The following CHST15 variants were observed in gnomAD, a reference collection of about 807,000 sequenced individuals.
CHST15 encodes carbohydrate sulfotransferase 15, also known as B cell RAG associated protein (GALNAC4S-6ST).
CHST15 carries 30 observed loss-of-function variants against 53.6 expected under a neutral mutation model. That is an observed-to-expected ratio of 0.56 (90% CI 0.42 to 0.76). The LOEUF is 0.76. CHST15 is among the 30% of genes least tolerant of loss of function. The pLI, the probability that CHST15 is intolerant of heterozygous loss-of-function variation, is 0.00. For synonymous variants in CHST15, 296 were observed against 289.8 expected (o/e 1.02, Z -0.22); for missense variants, 627 against 740.5 (o/e 0.85, Z 1.78).
chr10:124,090,145 G>A (rs1420643412), intron 1 of CHST15, among the ~76,000 whole-genome samples: 3 of 152,128 alleles, frequency 2.0e-5, no homozygotes, highest in East Asian at 1.9e-4. Flanking sequence ...GATAAGCACC[G>A]GGCCAGATGG....
chr10:124,037,072 C>T (rs1947525700), intron 5 of CHST15, among the ~76,000 whole-genome samples: 1 of 152,158 alleles, frequency 6.6e-6, no homozygotes, highest in Non-Finnish European at 1.5e-5. Flanking sequence ...CCTTGGCACC[C>T]CTTGGCTGGT....
intron 6 of CHST15, chr10:124,021,016 T>C: frequency 7.0e-7 from 1 of 1,429,062 alleles, no homozygotes; most frequent in South Asian, 1.5e-5. Context: ...ATCCTCCTGC[T>C]GAGGGAGGAG....
intron 5 of CHST15, among the ~76,000 whole-genome samples, chr10:124,026,439 A>G (rs745326022): frequency 2.0e-5 from 3 of 152,256 alleles, no homozygotes; most frequent in Non-Finnish European, 4.4e-5. Flanking sequence ...AACAGCAAAC[A>G]TATCAAGAAC....
chr10:124,010,274 C>T lies in CHST15; in HGVS notation c.1561G>A (p.Glu521Lys), dbSNP rs1770326540. Reference sequence around the variant, plus strand: ...CACATGGGCCCCAGGTTCCGGTCCTCGGGACGCCGTGCATTGGATGCGGGG... The same window carrying T: ...CACATGGGCCCCAGGTTCCGGTCCTTGGGACGCCGTGCATTGGATGCGGGG... ...KSPASNARRPEDRNLGPMWPI... is the reference protein window; with the variant it reads ...KSPASNARRPKDRNLGPMWPI... Residue 521 changes from glutamate to lysine, a missense_variant, in exon 8 of 8, where the codon GAG (glutamate) becomes AAG (lysine). Transcript: ENST00000435907. 3 of 1,613,682 alleles carry T rather than the reference C, an allele frequency of 1.9e-6. No individual in the cohort carries two copies. Among genetic ancestry groups the T allele is most frequent in the South Asian group, 1.1e-5 (1 of 91,024 alleles).
At chr10:124,018,637 T>C (rs1162719801) in intron 6 of CHST15, among the ~76,000 whole-genome samples, 1 of 152,200 alleles carries the variant, frequency 6.6e-6, no homozygotes, top group African/African-American at 2.4e-5. Flanking sequence ...AGAATGGCCT[T>C]TCTGCTTCTG....
chr10:124,063,961 A>G (rs767262144), intron 1 of CHST15, among the ~76,000 whole-genome samples: 1 of 152,134 alleles, frequency 6.6e-6, no homozygotes, highest in Non-Finnish European at 1.5e-5. Flanking sequence ...TAAACATGAT[A>G]ATAAAAAAAA....
chr10:124,017,768 TCA>T (rs1443728453), intron 6 of CHST15, among the ~76,000 whole-genome samples: 1 of 152,212 alleles, frequency 6.6e-6, no homozygotes, highest in Non-Finnish European at 1.5e-5. Flanking sequence ...TCCCTGAGCC[TCA>T]GTTTTCCCAG....
Position 124,044,904 on chromosome 10 carries a change from G to A in CHST15, c.562C>T (p.Pro188Ser). The change falls in exon 3 of 8, where the codon CCC becomes TCC. Residue 188 changes from proline (P) to serine (S), a missense_variant. By Grantham distance (74) the Pro-to-Ser change is moderately conservative. Transcript: ENST00000435907. ...TTACTGTTTGGAAGGAATTTGTTGG[G>A]GATGACTGAAAACATCTGCAAGGAA... ...KQELHMFSVI[P>S]NKFLPNSKSP... 6.9e-7 allele frequency: 1 copy of A among 1,444,598 alleles called. No homozygotes were observed. Among genetic ancestry groups the A allele is most frequent in the Non-Finnish European group, 9.1e-7 (1 of 1,094,844 alleles). The allele number at this position is 1,444,598 out of a possible 1,614,324, so 89.5% of individuals were successfully genotyped here. A position where few individuals can be genotyped will look rare whatever the true frequency, so the allele number is the denominator to read the frequency against.
chr10:124,064,080 G>A (rs1291110774), intron 1 of CHST15, among the ~76,000 whole-genome samples: 1 of 152,170 alleles, frequency 6.6e-6, no homozygotes, highest in East Asian at 1.9e-4. Context: ...AATCACAGAA[G>A]AGTGGAATCT....
At chr10:124,044,474 ATC>A (rs752294361) in intron 3 of CHST15, 104 bp downstream of exon 3, 2 of 924,918 alleles carry the variant, frequency 2.2e-6, no homozygotes, top group Non-Finnish European at 3.1e-6. Flanking sequence ...GAATTGTGCC[ATC>A]TCTTTCTGCC....
intron 5 of CHST15, among the ~76,000 whole-genome samples, chr10:124,034,529 C>T (rs1263761824): frequency 6.6e-6 from 1 of 151,396 alleles, no homozygotes; most frequent in African/African-American, 2.4e-5. Flanking sequence ...GGCTCCACCC[C>T]TAACAGGGAC....
At chr10:124,023,755 C>T (rs1364034816) in intron 5 of CHST15, among the ~76,000 whole-genome samples, 2 of 152,156 alleles carry the variant, frequency 1.3e-5, no homozygotes, top group African/African-American at 4.8e-5. Context: ...ACTTCTCCAA[C>T]CTGGCTTCCC....
chr10:124,071,062 A>AATTTG (rs1368333311), intron 1 of CHST15, among the ~76,000 whole-genome samples: 2 of 152,304 alleles, frequency 1.3e-5, no homozygotes, highest in Middle Eastern at 3.4e-3. Context: ...TAAAGAATTC[A>AATTTG]ATTTGATTTG....
At position 124,028,590 on chromosome 10, in the gene CHST15, C is replaced by T. The variant is rs75978008; in HGVS notation, c.1191-7178G>A. 8.8e-3 allele frequency among the ~76,000 whole-genome samples: 1,341 copies of T among 152,328 alleles called. 20 individuals carry two copies. Among genetic ancestry groups the T allele is most frequent in the African/African-American group, 0.03 (1,237 of 41,562 alleles). The stretch of plus-strand genomic sequence containing the variant: ...AAGATGTTTTCATCACCCTGATGAG[C>T]GACTGCTGGTTCTAACACAGCAGTT... On this transcript the variant is annotated intron_variant, in intron 5 of 7. Coordinates refer to ENST00000435907, the MANE Select transcript of CHST15 (RefSeq NM_001270764.2).
chr10:124,018,961 C>T (rs963567076), intron 6 of CHST15, among the ~76,000 whole-genome samples: 16 of 152,136 alleles, frequency 1.1e-4, no homozygotes, highest in Non-Finnish European at 2.2e-4. Context: ...AAACCCAGTC[C>T]GCGAGCACGT....
intron 1 of CHST15, among the ~76,000 whole-genome samples, chr10:124,069,202 C>G (rs939848800): frequency 6.6e-6 from 1 of 152,208 alleles, no homozygotes; most frequent in African/African-American, 2.4e-5. Context: ...ATCAACATCC[C>G]GTTTGAGTTC....
intron 1 of CHST15, among the ~76,000 whole-genome samples, chr10:124,056,733 G>T (rs1166016696): frequency 6.6e-6 from 1 of 152,254 alleles, no homozygotes; most frequent in Non-Finnish European, 1.5e-5. Context: ...AAGAAGCCTG[G>T]GCTGTGTGCA....
At chr10:124,088,095 C>T (rs183679106) in intron 1 of CHST15, among the ~76,000 whole-genome samples, 14 of 152,332 alleles carry the variant, frequency 9.2e-5, no homozygotes, top group Admixed American at 6.5e-4. Flanking sequence ...TGAAGAATAT[C>T]ACCCGAGCCA....
At chr10:124,048,360 T>G (rs1299392771) in intron 1 of CHST15, among the ~76,000 whole-genome samples, 1 of 152,178 alleles carries the variant, frequency 6.6e-6, no homozygotes, top group Non-Finnish European at 1.5e-5. Context: ...AGGAGCCAGT[T>G]TGAGAAAGGC....
Sources: allele counts gnomAD v4.1 joint callset (sites outside exome capture counted in the v4.1 genomes callset), GRCh38; gene constraint gnomAD v4.1.1; transcripts MANE v1.5; gene names NCBI Gene and HGNC (gene_info 2026-07-23, HGNC 2026-07-21).